CDH11: variants seen among roughly 807,000 people sequenced by gnomAD.
The protein encoded by CDH11 is cadherin-11.
CDH11 carries 11 observed loss-of-function variants against 67.8 expected under a neutral mutation model. The observed-to-expected ratio is 0.16, with a 90% CI of 0.10 to 0.27. The LOEUF is 0.27. Among genes scored for constraint, CDH11 ranks in the 10% least tolerant of loss-of-function variants. CDH11 has a pLI of 1.00. For missense variants in CDH11, 847 were observed against 1,031.2 expected (o/e 0.82, Z 2.45); for synonymous variants, 419 against 400.0 (o/e 1.05, Z -0.57).
chr16:65,023,649 G>A (rs1187138062), intron 2 of CDH11, among the ~76,000 whole-genome samples: 2 of 152,188 alleles, frequency 1.3e-5, no homozygotes, highest in Non-Finnish European at 2.9e-5. Flanking sequence ...CTAGGAAAGG[G>A]GTGGGGAGTT....
intron 7 of CDH11, chr16:64,986,491 C>T (rs1029473445): frequency 1.3e-5 from 2 of 151,862 alleles, no homozygotes; most frequent in Non-Finnish European, 2.9e-5. Context: ...TTAGCATAAC[C>T]AACTACCCAA....
chr16:65,081,473 G>A (rs1161124816), intron 1 of CDH11, among the ~76,000 whole-genome samples: 2 of 151,996 alleles, frequency 1.3e-5, no homozygotes, highest in Non-Finnish European at 2.9e-5. Context: ...GGAGGCTGAG[G>A]CAGGAGAATG....
intron 2 of CDH11, among the ~76,000 whole-genome samples, chr16:65,038,220 G>C (rs557120412): frequency 2.6e-4 from 39 of 152,186 alleles, no homozygotes; most frequent in African/African-American, 9.2e-4. Flanking sequence ...ATTACAAGCA[G>C]AGCTTTTGTT....
At chr16:64,988,367 T>C in intron 6 of CDH11, 23 bp from the exon 7 acceptor site, 3 of 1,574,684 alleles carry the variant, frequency 1.9e-6, no homozygotes, top group Non-Finnish European at 2.6e-6. Context: ...GACATCTATT[T>C]TTATTTTCTC....
chr16:65,123,429 G>C (rs1193540034), upstream of CDH11, among the ~76,000 whole-genome samples: 19 of 152,010 alleles, frequency 1.2e-4, no homozygotes, highest in Admixed American at 1.2e-3. Flanking sequence ...GAAAGGGCTA[G>C]AGGGGAGGAG....
intron 3 of CDH11, among the ~76,000 whole-genome samples, chr16:65,003,229 AATC>A (rs1269365806): frequency 6.6e-6 from 1 of 151,786 alleles, no homozygotes; most frequent in East Asian, 1.9e-4. Flanking sequence ...CATTGTTAAT[AATC>A]ATCTTTTTTA....
At chr16:65,095,131 A>G (rs2074866445) in intron 1 of CDH11, among the ~76,000 whole-genome samples, 1 of 152,154 alleles carries the variant, frequency 6.6e-6, no homozygotes. Context: ...TAGCAGACCC[A>G]GGGTTTGGGT....
chr16:64,988,383 T>C (rs1402315439), intron 6 of CDH11, 39 bp from the exon 7 acceptor site: 1 of 1,535,576 alleles, frequency 6.5e-7, no homozygotes, highest in South Asian at 1.2e-5. Context: ...TTCTCTTTTA[T>C]TTGGCAGCTG....
chr16:65,084,922 T>G (rs949660057), intron 1 of CDH11, among the ~76,000 whole-genome samples: 2 of 152,188 alleles, frequency 1.3e-5, no homozygotes, highest in African/African-American at 4.8e-5. Flanking sequence ...TTATTTTTAT[T>G]TTTTGAGATG....
At chr16:65,083,022 G>A (rs562904619) in intron 1 of CDH11, among the ~76,000 whole-genome samples, 10 of 152,294 alleles carry the variant, frequency 6.6e-5, no homozygotes, top group Admixed American at 4.6e-4. Context: ...ATTACAATAG[G>A]AAAGAATACC....
chr16:65,060,434 G>C (rs1477180561), intron 1 of CDH11, among the ~76,000 whole-genome samples: 1 of 151,986 alleles, frequency 6.6e-6, no homozygotes, highest in African/African-American at 2.4e-5. Context: ...ACTTTCTCCA[G>C]GAGAGTATAT....
chr16:64,998,462 G>A (rs988751628), intron 4 of CDH11, 100 bp downstream of exon 4: 1 of 1,113,300 alleles, frequency 9.0e-7, no homozygotes, highest in Non-Finnish European at 1.3e-6. Flanking sequence ...AAAAGATAAA[G>A]AAGAAGCTCT....
intron 2 of CDH11, among the ~76,000 whole-genome samples, chr16:65,021,266 A>G (rs950260155): frequency 7.2e-5 from 11 of 152,208 alleles, no homozygotes; most frequent in African/African-American, 2.7e-4. Context: ...ACTGAATGCA[A>G]AACAGAACAG....
At chr16:64,968,339 C>CTT in intron 11 of CDH11, 15 of 671,462 alleles carry the variant, frequency 2.2e-5, no homozygotes, top group Non-Finnish European at 2.8e-5. Flanking sequence ...TTATCTCAGT[C>CTT]TTTTTTTTTT....
upstream of CDH11, chr16:65,122,076 G>A (rs1447171898): frequency 3.2e-6 from 2 of 618,394 alleles, no homozygotes; most frequent in African/African-American, 3.9e-5. Context: ...GCCGCCGAGC[G>A]CGCTAGTGGC....
At chr16:64,952,655 C>G (rs919406137) in intron 11 of CDH11, among the ~76,000 whole-genome samples, 7 of 139,270 alleles carry the variant, frequency 5.0e-5, no homozygotes, top group African/African-American at 1.8e-4. Flanking sequence ...TACATGCATA[C>G]ACACATACAC....
chr16:65,077,890 T>C (rs528531221), intron 1 of CDH11, among the ~76,000 whole-genome samples: 2 of 152,332 alleles, frequency 1.3e-5, no homozygotes, highest in South Asian at 4.1e-4. Flanking sequence ...CTTCAATTAA[T>C]GTTAGCCAGA....
chr16:64,982,164 C>A lies in CDH11; in HGVS notation c.1137G>T (p.Glu379Asp), dbSNP rs2142459486. The stretch of plus-strand genomic sequence containing the variant: ...AACTTGGGGCCAAGAACATAGGGGG[C>A]TCATCAGCATCTTCTACTGAGATCT... ...TVKISVEDAD[E>D]PPMFLAPSYI... The change falls in exon 8 of 13, where the codon GAG (glutamate) becomes GAT (aspartate). Residue 379 changes from glutamate (E) to aspartate (D), a missense_variant. Coordinates refer to ENST00000268603, the MANE Select transcript of CDH11 (RefSeq NM_001797.4). The A allele has an allele frequency of 6.2e-7, 1 of 1,614,092 alleles. No homozygotes were observed. The highest frequency in any genetic ancestry group is 8.5e-7 in the Non-Finnish European group (1 of 1,179,972).
At chr16:64,948,519 G>C (rs1438650569) in intron 12 of CDH11, 1 of 1,078,600 alleles carries the variant, frequency 9.3e-7, no homozygotes, top group Non-Finnish European at 1.4e-6. Context: ...GAGCCCTTAG[G>C]GCCTACCATC....
Sources: allele counts gnomAD v4.1 joint callset (sites outside exome capture counted in the v4.1 genomes callset), GRCh38; gene constraint gnomAD v4.1.1; transcripts MANE v1.5; gene names NCBI Gene and HGNC (gene_info 2026-07-23, HGNC 2026-07-21).